Variants in WWOX observed in about 807,000 individuals in gnomAD.
WWOX encodes the protein WW domain-containing oxidoreductase.
A neutral mutation model predicts 46.2 loss-of-function variants in WWOX; 69 were observed. The ratio of observed to expected loss-of-function variants is 1.49; its 90% CI spans 1.23 to 1.82. The LOEUF is 1.82. WWOX is among the 40% of genes most tolerant of loss of function. The pLI, the probability that WWOX is intolerant of heterozygous loss-of-function variation, is 0.00. For missense variants in WWOX, 919 were observed against 542.6 expected, an observed-to-expected ratio of 1.69 and a Z score of -6.89; for synonymous variants, 359 against 202.6, an observed-to-expected ratio of 1.77 and a Z score of -6.56.
intron 8 of WWOX, among the ~76,000 whole-genome samples, chr16:79,020,118 T>C (rs879369247): frequency 2.0e-5 from 3 of 152,172 alleles, no homozygotes; most frequent in Admixed American, 6.5e-5. Flanking sequence ...AACTACTACA[T>C]GCTAGATCTC....
chr16:78,493,716 G>C (rs909587285), intron 8 of WWOX, among the ~76,000 whole-genome samples: 2 of 152,016 alleles, frequency 1.3e-5, no homozygotes, highest in South Asian at 4.2e-4. Flanking sequence ...TGGAACCCTC[G>C]CAACAGTCTT....
At position 79,079,610 on chromosome 16, in the gene WWOX, C is replaced by T. The variant is rs554328314; in HGVS notation, c.1057-131998C>T. On this transcript the variant is annotated intron_variant, in intron 8 of 8. Coordinates refer to ENST00000566780, the MANE Select transcript of WWOX (RefSeq NM_016373.4). The stretch of plus-strand genomic sequence containing the variant: ...TCTGAAACTTTCCTTAAATGTTCGG[C>T]TTTGACCTGTCATTCACTAAGTCTT... Among the ~76,000 whole-genome samples, 20 of 152,340 alleles carry T rather than the reference C, an allele frequency of 1.3e-4. No individual in the cohort carries two copies. In the South Asian group the frequency reaches 4.1e-3, roughly 32 times the overall value.
rs1064795117 is a variant in WWOX at position 78,432,736 on chromosome 16, CT to C, written c.1043del (p.Phe348SerfsTer57). 5.0e-6 allele frequency: 8 copies of C among 1,614,190 alleles called. No homozygotes were observed. The highest frequency in any genetic ancestry group is 6.8e-6 in the Non-Finnish European group (8 of 1,180,046). On this transcript the variant is annotated frameshift_variant, in exon 8 of 9. Coordinates refer to ENST00000566780, the MANE Select transcript of WWOX (RefSeq NM_016373.4). LOFTEE classifies it high-confidence loss of function. Reference sequence around the variant, plus strand: ...ACACTGCTGTTTACCTTGGCGAGGCCTTTCACCAAGTCCATGGTAAGAGAAC... The same window carrying C: ...ACACTGCTGTTTACCTTGGCGAGGCCTTCACCAAGTCCATGGTAAGAGAAC... ...VYTLLFTLAR[P>X]FTKSMQQGAA...
chr16:78,874,619 TGGCAATG>T (rs2044196847), intron 8 of WWOX, among the ~76,000 whole-genome samples: 1 of 151,190 alleles, frequency 6.6e-6, no homozygotes, highest in Non-Finnish European at 1.5e-5. Context: ...AAAGACATGT[TGGCAATG>T]GGTAGTGGAC....
chr16:79,023,617 T>A (rs1384851050), intron 8 of WWOX, among the ~76,000 whole-genome samples: 1 of 152,068 alleles, frequency 6.6e-6, no homozygotes, highest in African/African-American at 2.4e-5. Context: ...GTGCTACAAC[T>A]GGGATGAACC....
chr16:78,912,559 C>G (rs1406187988), intron 8 of WWOX, among the ~76,000 whole-genome samples: 1 of 151,994 alleles, frequency 6.6e-6, no homozygotes, highest in Admixed American at 6.6e-5. Context: ...GGAGACAAAA[C>G]CAGCAGGGTT....
intron 8 of WWOX, among the ~76,000 whole-genome samples, chr16:78,503,060 C>T (rs746432042): frequency 6.6e-6 from 1 of 152,188 alleles, no homozygotes; most frequent in Admixed American, 6.5e-5. Context: ...TTTGAGCCTT[C>T]TAACAACATT....
At position 78,811,476 on chromosome 16, in the gene WWOX, C is replaced by A. The variant is rs530379162; in HGVS notation, c.1056+378724C>A. Among the ~76,000 whole-genome samples the A allele has an allele frequency of 2.6e-5, 4 of 151,952 alleles. No individual in the cohort carries two copies. In the South Asian group the frequency reaches 8.4e-4, roughly 32 times the overall value. On this transcript the variant is annotated intron_variant, in intron 8 of 8. Transcript: ENST00000566780. ...TTCCCTTTCCTTTCTCCTCTCCTGTCCTTTCTCTCTCCCTCCCTCTTTCTT... is the reference window on the plus strand; with the variant it reads ...TTCCCTTTCCTTTCTCCTCTCCTGTACTTTCTCTCTCCCTCCCTCTTTCTT...
At chr16:79,017,831 T>C (rs1222914309) in intron 8 of WWOX, among the ~76,000 whole-genome samples, 1 of 152,252 alleles carries the variant, frequency 6.6e-6, no homozygotes, top group African/African-American at 2.4e-5. Context: ...ACAGGTGGGC[T>C]GTACATAAAC....
intron 8 of WWOX, among the ~76,000 whole-genome samples, chr16:78,937,747 C>G (rs1314763270): frequency 6.6e-6 from 1 of 151,982 alleles, no homozygotes; most frequent in Non-Finnish European, 1.5e-5. Context: ...GCCTCAGCCT[C>G]CTGAGTAGCT....
At chr16:78,228,497 A>G (rs181907374) in intron 5 of WWOX, among the ~76,000 whole-genome samples, 373 of 152,128 alleles carry the variant, frequency 2.5e-3, no homozygotes, top group African/African-American at 8.7e-3. Context: ...GCTTGCCACC[A>G]TGCCCAACTA....
intron 8 of WWOX, among the ~76,000 whole-genome samples, chr16:78,708,364 G>T (rs534693427): frequency 5.3e-5 from 8 of 151,954 alleles, no homozygotes; most frequent in Non-Finnish European, 1.0e-4. Context: ...AATTTTACTC[G>T]GCATCCTGTG....
intron 8 of WWOX, among the ~76,000 whole-genome samples, chr16:78,899,961 G>A (rs1294837870): frequency 6.6e-6 from 1 of 151,632 alleles, no homozygotes; most frequent in Non-Finnish European, 1.5e-5. Flanking sequence ...TACTAATTAA[G>A]CCTTGATAAT....
chr16:78,365,979 G>A (rs2081527946), intron 5 of WWOX, among the ~76,000 whole-genome samples: 1 of 152,206 alleles, frequency 6.6e-6, no homozygotes, highest in Non-Finnish European at 1.5e-5. Flanking sequence ...TGGCCAAGAT[G>A]GGGCTTGTGA....
chr16:78,789,915 A>C (rs1478352627), intron 8 of WWOX, among the ~76,000 whole-genome samples: 1 of 152,090 alleles, frequency 6.6e-6, no homozygotes, highest in African/African-American at 2.4e-5. Flanking sequence ...TTAAACTCCA[A>C]TTCTGCCACT....
intron 8 of WWOX, among the ~76,000 whole-genome samples, chr16:78,606,930 A>C (rs549722378): frequency 2.5e-4 from 38 of 152,096 alleles, no homozygotes; most frequent in Non-Finnish European, 5.3e-4. Context: ...AGCGGTTCAC[A>C]TCGCTGATTA....
At chr16:78,453,968 G>C (rs371356827) in intron 8 of WWOX, among the ~76,000 whole-genome samples, 1 of 152,092 alleles carries the variant, frequency 6.6e-6, no homozygotes, top group Non-Finnish European at 1.5e-5. Context: ...GGCAGATCTG[G>C]ATTTCACCAC....
chr16:78,116,920 A>T (rs573722312), intron 4 of WWOX, among the ~76,000 whole-genome samples: 1 of 152,178 alleles, frequency 6.6e-6, no homozygotes. Context: ...TAGATAGCAG[A>T]CTCTTGAATA....
At chr16:78,639,475 G>C (rs1441671107) in intron 8 of WWOX, among the ~76,000 whole-genome samples, 1 of 152,190 alleles carries the variant, frequency 6.6e-6, no homozygotes, top group Admixed American at 6.5e-5. Context: ...TGGGTTCATT[G>C]CTGAGAATAA....
Sources: gnomAD v4.1 joint callset for allele counts (sites outside exome capture counted in the v4.1 genomes callset) on GRCh38, gnomAD v4.1.1 for gene constraint, MANE v1.5 for transcripts, NCBI Gene and HGNC (gene_info 2026-07-23, HGNC 2026-07-21) for gene names.